Variants in MRPL19 observed in about 807,000 individuals in gnomAD.
The protein encoded by MRPL19 is mitochondrial ribosomal protein L19.
Under a neutral mutation model 34.0 loss-of-function variants are expected in MRPL19, and 31 were observed. The observed-to-expected ratio is 0.91, with a 90% CI of 0.68 to 1.23. The LOEUF (loss-of-function observed/expected upper bound fraction) is 1.23. MRPL19 is among the 50% of genes most tolerant of loss of function. The pLI is 0.00. For missense variants in MRPL19, 384 were observed against 367.6 expected (o/e 1.04, Z -0.37); for synonymous variants, 152 against 127.7 (o/e 1.19, Z -1.28).
rs770380408 is a variant in MRPL19 at position 75,646,873 on chromosome 2, C to T, written c.66C>T (p.Ala22=). The change falls in exon 1 of 6, where the codon GCC becomes GCT. Residue 22 remains alanine (A), a synonymous_variant. Transcript: ENST00000393909. The part of the protein sequence containing the change: ...AMGLGRSFQA[A]RTLLPPPASI... ...GCCTAGGCCGGAGTTTCCAAGCCGC[C>T]AGGACTCTGCTCCCCCCGCCGGCCT... 56 of 1,596,650 alleles carry T rather than the reference C, an allele frequency of 3.5e-5. No individual in the cohort carries two copies. Among genetic ancestry groups the T allele is most frequent in the Non-Finnish European group, 4.5e-5 (53 of 1,172,346 alleles).
rs951869159 is a variant in MRPL19 at position 75,661,315 on chromosome 2, C to G, written c.*6030C>G. 3 of 152,080 alleles carry G rather than the reference C, an allele frequency of 2.0e-5. No individual in the cohort carries two copies. Among genetic ancestry groups the G allele is most frequent in the Non-Finnish European group, 4.4e-5 (3 of 68,024 alleles). 9.4% of individuals were successfully genotyped at this position (152,080 alleles called of 1,614,324 possible). A position where few individuals can be genotyped will look rare whatever the true frequency, so the allele number is the denominator to read the frequency against. On this transcript the variant is annotated 3_prime_UTR_variant, in exon 6 of 6. Coordinates refer to ENST00000393909, the MANE Select transcript of MRPL19 (RefSeq NM_014763.4). ...CTGATAAAATTGGCTATGCCTGTTC[C>G]TGCTTTAAAAAATATATATATATTT...
In MRPL19 at chr2:75,658,583, G is replaced by C. The variant is rs1678520683; in HGVS notation, c.*3298G>C. On this transcript the variant is annotated 3_prime_UTR_variant, in exon 6 of 6. Transcript: ENST00000393909. ...TTGTGATTTCTTCTTCGATCCCCTGGTTGAGTGTGTTAATTTCTACATGTT... is the reference window on the plus strand; with the variant it reads ...TTGTGATTTCTTCTTCGATCCCCTGCTTGAGTGTGTTAATTTCTACATGTT... Among the ~76,000 whole-genome samples the C allele has an allele frequency of 6.6e-6, 1 of 152,094 alleles. No individual in the cohort carries two copies. The highest frequency in any genetic ancestry group is 2.4e-5 in the African/African-American group (1 of 41,416).
At chr2:75,648,041 G>C (rs892055281) in intron 2 of MRPL19, among the ~76,000 whole-genome samples, 2 of 151,752 alleles carry the variant, frequency 1.3e-5, no homozygotes, top group African/African-American at 4.8e-5. Flanking sequence ...ACCACGCCTG[G>C]CTTTTTTTTT....
chr2:75,654,805 G>C lies in MRPL19; in HGVS notation c.545G>C (p.Arg182Pro), dbSNP rs749654818. The change falls in exon 5 of 6, where the codon CGG becomes CCG. Residue 182 changes from arginine to proline, a missense_variant. Coordinates refer to ENST00000393909, the MANE Select transcript of MRPL19 (RefSeq NM_014763.4). ...QEIQVVKLEK[R>P]LDDSLLYLRD... ...ATTCAGGTGGTCAAATTAGAGAAAC[G>C]GCTGGATGATAGCTTGCTATACTTA... is the stretch of plus-strand genomic sequence containing the variant. The C allele has an allele frequency of 1.2e-6, 2 of 1,613,758 alleles. No individual in the cohort carries two copies. Among genetic ancestry groups the C allele is most frequent in the East Asian group, 2.2e-5 (1 of 44,846 alleles).
chr2:75,647,202 C>T lies in MRPL19; in HGVS notation c.204C>T (p.Pro68=). The T allele has an allele frequency of 3.8e-6, 6 of 1,580,356 alleles. No individual in the cohort carries two copies. The highest frequency in any genetic ancestry group is 2.7e-5 in the African/African-American group (2 of 74,374). Residue 68 remains proline (P), a synonymous_variant, in exon 2 of 6, where the codon CCC becomes CCT. Transcript: ENST00000393909. ...CGGTCATCGTGGACAAGCACCGCCC[C>T]GTGGAACCGGAACGCAGGTGAGGCA... is the stretch of plus-strand genomic sequence containing the variant. The part of the protein sequence containing the change: ...PKPVIVDKHR[P]VEPERRFLSP...
rs1269813584 is a variant in MRPL19 at position 75,658,314 on chromosome 2, T to G, written c.*3029T>G. On this transcript the variant is annotated 3_prime_UTR_variant, in exon 6 of 6. Coordinates refer to ENST00000393909, the MANE Select transcript of MRPL19 (RefSeq NM_014763.4). ...GGCCTCAAGCAGTCCTTAAGATTCA[T>G]CCATGTTGTGGCATGTGTCAGAATT... 6.6e-6 allele frequency among the ~76,000 whole-genome samples: 1 copy of G among 152,160 alleles called. No individual in the cohort carries two copies. The highest frequency in any genetic ancestry group is 1.5e-5 in the Non-Finnish European group (1 of 68,018).
At chr2:75,653,243 A>G (rs890483919) in intron 4 of MRPL19, among the ~76,000 whole-genome samples, 2 of 152,346 alleles carry the variant, frequency 1.3e-5, no homozygotes, top group African/African-American at 4.8e-5. Flanking sequence ...AAGTTCCAAC[A>G]ACAAAGTATT....
In MRPL19 at chr2:75,657,910, A is replaced by G. The variant is rs575009559; in HGVS notation, c.*2625A>G. On this transcript the variant is annotated 3_prime_UTR_variant, in exon 6 of 6. Coordinates refer to ENST00000393909, the MANE Select transcript of MRPL19 (RefSeq NM_014763.4). ...ATATATATATAAAACATAATTTGCCATTGTAAACATTTTAAATTTACAAGT... is the reference window on the plus strand; with the variant it reads ...ATATATATATAAAACATAATTTGCCGTTGTAAACATTTTAAATTTACAAGT... 4.6e-5 allele frequency: 7 copies of G among 152,096 alleles called. No individual in the cohort carries two copies. The East Asian group carries it at 1.4e-3, about 29-fold the overall frequency. The allele number at this position is 152,096 out of a possible 1,614,324, so 9.4% of individuals were successfully genotyped here.
rs112655619 is a variant in MRPL19, at chr2:75,657,584, T to C, written c.*2299T>C. ...AACAAGAGCCTATATCTTATATTTT[T>C]CTTCTCTTTATCTTGTTAGAAGATA... On this transcript the variant is annotated 3_prime_UTR_variant, in exon 6 of 6. Coordinates refer to ENST00000393909, the MANE Select transcript of MRPL19 (RefSeq NM_014763.4). The C allele has an allele frequency of 6.6e-6, 1 of 152,202 alleles. No individual in the cohort carries two copies. The highest frequency in any genetic ancestry group is 2.4e-5 in the African/African-American group (1 of 41,456). 9.4% of individuals were successfully genotyped at this position (152,202 alleles called of 1,614,324 possible). A position where few individuals can be genotyped will look rare whatever the true frequency, so the allele number is the denominator to read the frequency against.
intron 2 of MRPL19, chr2:75,651,502 C>A: frequency 3.9e-6 from 2 of 511,026 alleles, no homozygotes; most frequent in South Asian, 1.5e-5. Context: ...AGTTACTCTT[C>A]GTCTGTAGAT....
Position 75,659,088 on chromosome 2 carries a change from C to A in MRPL19, c.*3803C>A, listed in dbSNP as rs572962523. Among the ~76,000 whole-genome samples, 14 of 151,892 alleles carry A rather than the reference C, an allele frequency of 9.2e-5. No homozygotes were observed. The South Asian group carries it at 1.2e-3, about 14-fold the overall frequency. On this transcript the variant is annotated 3_prime_UTR_variant, in exon 6 of 6. Transcript: ENST00000393909. Reference sequence around the variant, plus strand: ...TATGTCATATACTTTTTTGGCCCCTCATTTCCTCTTTATGGCCTTCTTTTC... The same window carrying A: ...TATGTCATATACTTTTTTGGCCCCTAATTTCCTCTTTATGGCCTTCTTTTC...
chr2:75,647,795 C>G (rs900022941), intron 2 of MRPL19: 3 of 152,128 alleles, frequency 2.0e-5, no homozygotes, highest in Non-Finnish European at 4.4e-5. Flanking sequence ...TTTTAAAAAG[C>G]CAGTTTTCAG....
chr2:75,659,539 A>G lies in MRPL19; in HGVS notation c.*4254A>G, dbSNP rs1373062235. 6.6e-6 allele frequency among the ~76,000 whole-genome samples: 1 copy of G among 152,090 alleles called. No homozygotes were observed. The highest frequency in any genetic ancestry group is 1.5e-5 in the Non-Finnish European group (1 of 68,000). On this transcript the variant is annotated 3_prime_UTR_variant, in exon 6 of 6. Transcript: ENST00000393909. The stretch of plus-strand genomic sequence containing the variant: ...TTCGGCCCAAAGGATTCCCTTATGC[A>G]TTTCTTGCAGGGCAAGTCTAATTGT...
chr2:75,660,597 TC>T lies in MRPL19; in HGVS notation c.*5313del, dbSNP rs1164685043. Reference sequence around the variant, plus strand: ...GCAAAGACTGTATTCCTTCTGTGTGTCATCACTGAAGTCTCTGTTCCTTAGT... The same window carrying T: ...GCAAAGACTGTATTCCTTCTGTGTGTATCACTGAAGTCTCTGTTCCTTAGT... On this transcript the variant is annotated 3_prime_UTR_variant, in exon 6 of 6. Transcript: ENST00000393909. 2 of 152,220 alleles carry T rather than the reference TC, an allele frequency of 1.3e-5. No homozygotes were observed. Among genetic ancestry groups the T allele is most frequent in the African/African-American group, 4.8e-5 (2 of 41,466 alleles). 9.4% of individuals were successfully genotyped at this position (152,220 alleles called of 1,614,324 possible).
chr2:75,656,920 C>A lies in MRPL19; in HGVS notation c.*1635C>A, dbSNP rs780243750. 2.0e-5 allele frequency: 3 copies of A among 152,028 alleles called. No homozygotes were observed. Among genetic ancestry groups the A allele is most frequent in the Admixed American group, 2.0e-4 (3 of 15,248 alleles). The allele number at this position is 152,028 out of a possible 1,614,324, so 9.4% of individuals were successfully genotyped here. On this transcript the variant is annotated 3_prime_UTR_variant, in exon 6 of 6. Transcript: ENST00000393909. ...TATTTTCTTACCTCCCTCCCTTGAC[C>A]CCAGTCTCTGTTTTTTAGCTCTTTA...
At chr2:75,653,201 A>G (rs533178481) in intron 4 of MRPL19, among the ~76,000 whole-genome samples, 59 of 152,368 alleles carry the variant, frequency 3.9e-4, no homozygotes, top group African/African-American at 1.3e-3. Context: ...AATGGCAGGA[A>G]CAATTACGTT....
Position 75,661,135 on chromosome 2 carries a change from T to C in MRPL19, c.*5850T>C, listed in dbSNP as rs1678606874. 1 of 152,204 alleles carries C rather than the reference T, an allele frequency of 6.6e-6. No individual in the cohort carries two copies. Among genetic ancestry groups the C allele is most frequent in the Non-Finnish European group, 1.5e-5 (1 of 68,050 alleles). 9.4% of individuals were successfully genotyped at this position (152,204 alleles called of 1,614,324 possible). On this transcript the variant is annotated 3_prime_UTR_variant, in exon 6 of 6. Transcript: ENST00000393909. ...ATGGGGATCAGGGTCCAAGACAGAA[T>C]GCAGTTGCTGATTTCAAGACTGCTG... is the stretch of plus-strand genomic sequence containing the variant.
intron 1 of MRPL19, 73 bp downstream of exon 1, chr2:75,646,983 G>A (rs1001764702): frequency 3.4e-6 from 5 of 1,488,532 alleles, no homozygotes; most frequent in Middle Eastern, 1.8e-4. Flanking sequence ...CGAACCTGGA[G>A]ATCAGAGGCA....
Position 75,652,147 on chromosome 2 carries a change from T to G in MRPL19, c.227T>G (p.Leu76Trp), listed in dbSNP as rs1445058987. 6.4e-7 allele frequency: 1 copy of G among 1,552,220 alleles called. No homozygotes were observed. Among genetic ancestry groups the G allele is most frequent in the South Asian group, 1.2e-5 (1 of 83,444 alleles). The change falls in exon 3 of 6, where the codon TTG becomes TGG. Residue 76 changes from leucine (L) to tryptophan (W), a missense_variant. By Grantham distance (61) the Leu-to-Trp change is moderately conservative (BLOSUM62 -2). Coordinates refer to ENST00000393909, the MANE Select transcript of MRPL19 (RefSeq NM_014763.4). The stretch of plus-strand genomic sequence containing the variant: ...TTTATTTGTATTTTTTACAGGTTCT[T>G]GAGTCCTGAATTCATTCCTCGAAGG... The part of the protein sequence containing the change: ...HRPVEPERRF[L>W]SPEFIPRRGR...
Sources: allele counts gnomAD v4.1 joint callset (sites outside exome capture counted in the v4.1 genomes callset), GRCh38; gene constraint gnomAD v4.1.1; transcripts MANE v1.5; gene names NCBI Gene and HGNC (gene_info 2026-07-23, HGNC 2026-07-21).